Variants in CALN1 observed in about 807,000 individuals in gnomAD.
The protein encoded by CALN1 is calneuron 1.
In CALN1, 17 loss-of-function variants were observed where a neutral mutation model predicts 30.6. The ratio of observed to expected loss-of-function variants is 0.56; its 90% confidence interval spans 0.38 to 0.83. The LOEUF is 0.83. CALN1 is among the 40% of genes least tolerant of loss of function. CALN1 has a pLI of 0.00. For synonymous variants in CALN1, 156 were observed against 131.4 expected (o/e 1.19, Z -1.28); for missense variants, 291 against 354.9 (o/e 0.82, Z 1.45).
intron 5 of CALN1, among the ~76,000 whole-genome samples, chr7:71,945,823 G>T (rs1167818523): frequency 6.6e-6 from 1 of 152,198 alleles, no homozygotes; most frequent in East Asian, 1.9e-4. Context: ...TAGAAATAAA[G>T]TACATAATAA....
chr7:72,421,715 T>C (rs1807618000), intron 1 of CALN1, among the ~76,000 whole-genome samples: 1 of 151,240 alleles, frequency 6.6e-6, no homozygotes, highest in Admixed American at 6.6e-5. Context: ...GCCTCCCAAG[T>C]AGCTGGGACT....
At chr7:72,402,048 G>C (rs1426561512) in intron 2 of CALN1, among the ~76,000 whole-genome samples, 2 of 152,200 alleles carry the variant, frequency 1.3e-5, no homozygotes, top group African/African-American at 2.4e-5. Flanking sequence ...GATGATCTCT[G>C]ACTCTAGCCA....
At chr7:72,180,612 T>TC (rs1222618955) in intron 3 of CALN1, among the ~76,000 whole-genome samples, 1 of 148,378 alleles carries the variant, frequency 6.7e-6, no homozygotes. Flanking sequence ...TTTTTCTTTT[T>TC]TTTTTTTTTT....
At chr7:72,278,664 C>T (rs373364697) in intron 3 of CALN1, 22 bp downstream of exon 3, 108 of 1,599,590 alleles carry the variant, frequency 6.8e-5, no homozygotes, top group Non-Finnish European at 8.7e-5. Context: ...GGCCATCCCC[C>T]CAAACAGGGT....
intron 2 of CALN1, among the ~76,000 whole-genome samples, chr7:72,360,198 G>T (rs1208197089): frequency 1.3e-5 from 2 of 152,084 alleles, no homozygotes; most frequent in East Asian, 3.9e-4. Context: ...TTAGTGTTAA[G>T]CTTCCTGGAT....
chr7:72,287,681 C>T (rs1371435678), intron 2 of CALN1, among the ~76,000 whole-genome samples: 1 of 151,958 alleles, frequency 6.6e-6, no homozygotes, highest in African/African-American at 2.4e-5. Context: ...CTCCTGACCT[C>T]GTGATCCACC....
chr7:71,917,265 A>AG (rs1794727016), intron 5 of CALN1, among the ~76,000 whole-genome samples: 1 of 152,188 alleles, frequency 6.6e-6, no homozygotes, highest in Non-Finnish European at 1.5e-5. Flanking sequence ...CAGAGGTCAA[A>AG]GGGTGGTAGA....
chr7:72,031,734 A>AGT (rs1562993226), intron 4 of CALN1, among the ~76,000 whole-genome samples: 1 of 114,682 alleles, frequency 8.7e-6, no homozygotes, highest in African/African-American at 3.4e-5. Context: ...CGCCTGGCTA[A>AGT]TTTTTTTTTT....
chr7:72,027,362 G>A (rs1457139557), intron 4 of CALN1, among the ~76,000 whole-genome samples: 1 of 152,136 alleles, frequency 6.6e-6, no homozygotes, highest in African/African-American at 2.4e-5. Flanking sequence ...CCCACAGTGA[G>A]GTCTAACTGT....
chr7:72,122,968 G>A (rs1282493538), intron 3 of CALN1, among the ~76,000 whole-genome samples: 1 of 152,132 alleles, frequency 6.6e-6, no homozygotes, highest in African/African-American at 2.4e-5. Flanking sequence ...CACAGCAATA[G>A]CTATAGAGAC....
chr7:72,136,077 G>T (rs1010548826), intron 3 of CALN1, among the ~76,000 whole-genome samples: 1 of 151,852 alleles, frequency 6.6e-6, no homozygotes, highest in East Asian at 1.9e-4. Flanking sequence ...AGAGGTTGCA[G>T]TGAGCCAAGA....
intron 2 of CALN1, among the ~76,000 whole-genome samples, chr7:72,305,531 G>A (rs887963148): frequency 2.6e-5 from 4 of 152,136 alleles, no homozygotes; most frequent in African/African-American, 7.2e-5. Flanking sequence ...GTATCAAACC[G>A]AGAGCCTTAG....
the CALN1 span, among the ~76,000 whole-genome samples, chr7:72,458,211 T>C: frequency 1.2e-3 from 134 of 111,634 alleles, 8 homozygotes; most frequent in African/African-American, 4.5e-3. Context: ...ATAATATATT[T>C]TATAATATAT....
chr7:72,141,780 G>A (rs1429075832), intron 3 of CALN1, among the ~76,000 whole-genome samples: 1 of 152,100 alleles, frequency 6.6e-6, no homozygotes, highest in African/African-American at 2.4e-5. Flanking sequence ...TGTTGGTCAG[G>A]CTGGTCTCCA....
chr7:72,127,781 T>C (rs1362390772), intron 3 of CALN1, among the ~76,000 whole-genome samples: 1 of 152,050 alleles, frequency 6.6e-6, no homozygotes, highest in Non-Finnish European at 1.5e-5. Flanking sequence ...TTGGTACAAT[T>C]GAACAGTAAC....
chr7:72,379,720 T>A (rs562166708), intron 2 of CALN1, among the ~76,000 whole-genome samples: 1 of 152,246 alleles, frequency 6.6e-6, no homozygotes, highest in Non-Finnish European at 1.5e-5. Flanking sequence ...ATTTATTGCA[T>A]GTTTCTCATT....
intron 5 of CALN1, among the ~76,000 whole-genome samples, chr7:71,831,684 G>A (rs564847577): frequency 4.7e-5 from 7 of 150,512 alleles, no homozygotes; most frequent in Non-Finnish European, 8.9e-5. Flanking sequence ...TCAGGAGTTC[G>A]AGACCAGTCT....
chr7:72,004,944 G>C (rs1799695262), intron 5 of CALN1, among the ~76,000 whole-genome samples: 1 of 152,162 alleles, frequency 6.6e-6, no homozygotes. Flanking sequence ...GCAGTTGAGA[G>C]ATCACTCCAC....
rs1031485936 is a variant in CALN1, at chr7:72,154,341, A to G, written c.245-48047T>C. Among the ~76,000 whole-genome samples the G allele has an allele frequency of 4.6e-5, 7 of 152,272 alleles. No individual in the cohort carries two copies. The East Asian group carries it at 1.4e-3, about 29-fold the overall frequency. ...TTGAACTTAACTCTCAAAGCTCGCC[A>G]TCTACATGTCTGACGACTGGCCCAG... On this transcript the variant is annotated intron_variant, in intron 3 of 6. Coordinates refer to ENST00000395275, the MANE Select transcript of CALN1 (RefSeq NM_031468.4).
Sources: allele counts gnomAD v4.1 joint callset (sites outside exome capture counted in the v4.1 genomes callset), GRCh38; gene constraint gnomAD v4.1.1; transcripts MANE v1.5; gene names NCBI Gene and HGNC (gene_info 2026-07-23, HGNC 2026-07-21).